Variants in SDCCAG8 observed in about 807,000 individuals in gnomAD.
SDCCAG8 encodes the protein serologically defined colon cancer antigen 8.
In SDCCAG8, 74 loss-of-function variants were observed where a neutral mutation model predicts 101.8. The ratio of observed to expected loss-of-function variants is 0.73; its 90% CI spans 0.60 to 0.88. The LOEUF (loss-of-function observed/expected upper bound fraction) is 0.88, where lower values mean the gene tolerates loss of function less well. Ranked by LOEUF, SDCCAG8 falls within the 40% of genes least tolerant of loss-of-function variation. SDCCAG8 has a pLI of 0.00. For missense variants in SDCCAG8, 787 were observed against 822.6 expected, an observed-to-expected ratio of 0.96 and a Z score of 0.53; for synonymous variants, 281 against 292.9, an observed-to-expected ratio of 0.96 and a Z score of 0.41.
At chr1:243,481,200 G>A (rs1215818753) in intron 16 of SDCCAG8, among the ~76,000 whole-genome samples, 3 of 152,090 alleles carry the variant, frequency 2.0e-5, no homozygotes, top group African/African-American at 7.2e-5. Flanking sequence ...AGAGCACTGA[G>A]CCCAGCCCTG....
intron 12 of SDCCAG8, among the ~76,000 whole-genome samples, chr1:243,348,450 G>A (rs1003017791): frequency 6.6e-6 from 1 of 151,640 alleles, no homozygotes; most frequent in Non-Finnish European, 1.5e-5. Context: ...TCTGCCAGGG[G>A]CAAAAGACAC....
chr1:243,317,039 G>A, intron 9 of SDCCAG8, 146 bp downstream of exon 9: 1 of 863,464 alleles, frequency 1.2e-6, no homozygotes, highest in Non-Finnish European at 1.8e-6. Flanking sequence ...TGACTTTTCT[G>A]AATTAAACAA....
intron 16 of SDCCAG8, among the ~76,000 whole-genome samples, chr1:243,439,448 A>G (rs928729174): frequency 2.0e-5 from 3 of 151,994 alleles, no homozygotes; most frequent in Admixed American, 6.6e-5. Flanking sequence ...ACATGGTAAA[A>G]CCCTGTCTCT....
chr1:243,348,831 A>T (rs2075906573), intron 12 of SDCCAG8, among the ~76,000 whole-genome samples: 2 of 150,980 alleles, frequency 1.3e-5, no homozygotes, highest in Non-Finnish European at 3.0e-5. Context: ...AAAAAAAAAA[A>T]AAAAATTAGC....
At position 243,341,090 on chromosome 1, in the gene SDCCAG8, G is replaced by C; in HGVS notation, c.1273G>C (p.Val425Leu). Residue 425 changes from valine (V) to leucine (L), a missense_variant, in exon 11 of 18, where the codon GTT becomes CTT. Coordinates refer to ENST00000366541, the MANE Select transcript of SDCCAG8 (RefSeq NM_006642.5). ...CCAACTGGAGGCCCAGGTGGAAAAG[G>C]TTACAAAGGAAAAGATTTCAGCTAT... ...IAQLEAQVEK[V>L]TKEKISAINQ... is the part of the protein sequence containing the mutation. 2 of 1,614,036 alleles carry C rather than the reference G, an allele frequency of 1.2e-6. No individual in the cohort carries two copies. The highest frequency in any genetic ancestry group is 1.7e-6 in the Non-Finnish European group (2 of 1,179,922).
chr1:243,437,531 C>CTTTTTTTTTTTTTTTTTTTTTTT (rs931257839), intron 16 of SDCCAG8, among the ~76,000 whole-genome samples: 2 of 129,588 alleles, frequency 1.5e-5, no homozygotes, highest in Non-Finnish European at 3.3e-5. Context: ...TGGAGGAATT[C>CTTTTTTTTTTTTTTTTTTTTTTT]TTTTTTTTTT....
chr1:243,329,381 C>T (rs1393086128), intron 9 of SDCCAG8, among the ~76,000 whole-genome samples: 1 of 152,142 alleles, frequency 6.6e-6, no homozygotes, highest in Non-Finnish European at 1.5e-5. Context: ...GGAAAATTCA[C>T]ATATCCTAGA....
intron 16 of SDCCAG8, among the ~76,000 whole-genome samples, chr1:243,455,879 A>G (rs151240580): frequency 6.6e-6 from 1 of 152,368 alleles, no homozygotes; most frequent in Non-Finnish European, 1.5e-5. Context: ...AGTACATTTG[A>G]TAATGTTACT....
At chr1:243,269,624 G>C (rs1440788246) in intron 1 of SDCCAG8, among the ~76,000 whole-genome samples, 4 of 152,018 alleles carry the variant, frequency 2.6e-5, no homozygotes, top group Admixed American at 1.3e-4. Flanking sequence ...TGGTGGGGGA[G>C]GGATTTCCTG....
At chr1:243,455,282 T>G (rs980248540) in intron 16 of SDCCAG8, among the ~76,000 whole-genome samples, 2 of 152,210 alleles carry the variant, frequency 1.3e-5, no homozygotes, top group Non-Finnish European at 2.9e-5. Flanking sequence ...TTTGTTTTTA[T>G]TTTTTGAGAT....
chr1:243,344,378 C>CA lies in SDCCAG8; in HGVS notation c.1473+48dup, dbSNP rs398050192. On this transcript the variant is annotated intron_variant, in intron 12 of 17. Transcript: ENST00000366541. ...TTGCAGCAATTATAGATATGAGTAA[C>CA]ATTCTTTCTCAAGTTGATGTTGTTT... 322,469 of 1,194,606 alleles carry CA rather than the reference C, an allele frequency of 0.27. 47,252 individuals carry two copies. The highest frequency in any genetic ancestry group is 0.37 in the Middle Eastern group (1,917 of 5,246). 74.0% of individuals were successfully genotyped at this position (1,194,606 alleles called of 1,614,324 possible).
At chr1:243,296,869 C>T (rs754387363) in intron 6 of SDCCAG8, among the ~76,000 whole-genome samples, 2 of 152,150 alleles carry the variant, frequency 1.3e-5, no homozygotes, top group Non-Finnish European at 2.9e-5. Flanking sequence ...TGACTTCCAG[C>T]CATCAGTCCT....
chr1:243,273,999 G>A (rs1415608330), intron 3 of SDCCAG8, among the ~76,000 whole-genome samples: 1 of 152,162 alleles, frequency 6.6e-6, no homozygotes, highest in Non-Finnish European at 1.5e-5. Context: ...CCATTCTCGT[G>A]TTGCTAAAAA....
intron 4 of SDCCAG8, among the ~76,000 whole-genome samples, chr1:243,276,846 T>A (rs1179568909): frequency 6.6e-6 from 1 of 152,188 alleles, no homozygotes; most frequent in Non-Finnish European, 1.5e-5. Flanking sequence ...ATTGATCTTT[T>A]TACTCTCTCC....
chr1:243,308,662 A>G (rs2072410076), intron 8 of SDCCAG8, among the ~76,000 whole-genome samples: 1 of 152,190 alleles, frequency 6.6e-6, no homozygotes, highest in Non-Finnish European at 1.5e-5. Flanking sequence ...GTATCCCACT[A>G]TTGATATTTG....
At chr1:243,480,881 ATGGATGGATGGGTGGG>A (rs1663605685) in intron 16 of SDCCAG8, among the ~76,000 whole-genome samples, 1 of 53,932 alleles carries the variant, frequency 1.9e-5, no homozygotes, top group Non-Finnish European at 3.5e-5. Context: ...GATGGGTGGG[ATGGATGGATGGGTGGG>A]TGGGATGGGA....
chr1:243,489,102 C>G lies in SDCCAG8; in HGVS notation c.2074C>G (p.Gln692Glu). The change falls in exon 17 of 18, where the codon CAG becomes GAG. Residue 692 changes from glutamine (Q) to glutamate (E), a missense_variant. Transcript: ENST00000366541. ...SKQNQLLLERQSLSEEVDRLR... is the reference protein window; with the variant it reads ...SKQNQLLLERESLSEEVDRLR... ...GCAGAACCAGCTTCTCCTGGAGAGG[C>G]AGAGCCTGTCGGAAGAGGTGGACCG... 2 of 1,613,178 alleles carry G rather than the reference C, an allele frequency of 1.2e-6. No homozygotes were observed. Among genetic ancestry groups the G allele is most frequent in the African/African-American group, 1.3e-5 (1 of 75,070 alleles).
intron 13 of SDCCAG8, among the ~76,000 whole-genome samples, chr1:243,404,410 A>T (rs1231989142): frequency 6.6e-6 from 1 of 152,248 alleles, no homozygotes; most frequent in East Asian, 1.9e-4. Flanking sequence ...ATAATTAAGG[A>T]TGTAGATAAG....
chr1:243,384,128 A>G (rs2078126985), intron 13 of SDCCAG8, among the ~76,000 whole-genome samples: 2 of 152,194 alleles, frequency 1.3e-5, no homozygotes, highest in Non-Finnish European at 2.9e-5. Flanking sequence ...AAAAAGAATT[A>G]ATATTTGGAA....
Sources: allele counts gnomAD v4.1 joint callset (sites outside exome capture counted in the v4.1 genomes callset), GRCh38; gene constraint gnomAD v4.1.1; transcripts MANE v1.5; gene names NCBI Gene and HGNC (gene_info 2026-07-23, HGNC 2026-07-21).